Variants in CAMTA1 observed in about 807,000 individuals in gnomAD.
The protein encoded by CAMTA1 is calmodulin binding transcription activator 1.
A neutral mutation model predicts 170.9 loss-of-function variants in CAMTA1; 27 were observed. That is an observed-to-expected ratio of 0.16 (90% CI 0.12 to 0.22). The LOEUF (loss-of-function observed/expected upper bound fraction) is 0.22. Ranked by LOEUF, CAMTA1 falls within the 10% of genes least tolerant of loss-of-function variation. CAMTA1 has a pLI of 1.00. For missense variants in CAMTA1, 1,619 were observed against 2,217.2 expected (o/e 0.73, Z 5.42); for synonymous variants, 833 against 891.5 (o/e 0.93, Z 1.17).
intron 4 of CAMTA1, among the ~76,000 whole-genome samples, chr1:7,246,911 A>G (rs1213164589): frequency 2.0e-5 from 3 of 151,968 alleles, no homozygotes; most frequent in Non-Finnish European, 4.4e-5. Flanking sequence ...CAAGTGATCC[A>G]CCTGCCTCGG....
chr1:7,378,750 T>C (rs986071601), intron 5 of CAMTA1, among the ~76,000 whole-genome samples: 1 of 152,066 alleles, frequency 6.6e-6, no homozygotes, highest in Non-Finnish European at 1.5e-5. Context: ...TTTTATGATA[T>C]GTGAATTTTA....
At chr1:7,576,497 C>G (rs1024568059) in intron 6 of CAMTA1, among the ~76,000 whole-genome samples, 1 of 152,198 alleles carries the variant, frequency 6.6e-6, no homozygotes, top group Non-Finnish European at 1.5e-5. Context: ...ACACCTCAGA[C>G]CTTCCACCGT....
chr1:7,428,941 G>C (rs1267207133), intron 5 of CAMTA1, among the ~76,000 whole-genome samples: 3 of 152,236 alleles, frequency 2.0e-5, no homozygotes, highest in East Asian at 1.9e-4. Flanking sequence ...GATGGCAGAA[G>C]TCATCTTAGC....
At chr1:7,232,056 G>A (rs1662933029) in intron 4 of CAMTA1, among the ~76,000 whole-genome samples, 1 of 152,196 alleles carries the variant, frequency 6.6e-6, no homozygotes, top group African/African-American at 2.4e-5. Flanking sequence ...ATCGGAGGCT[G>A]GTTTTGTTCT....
At chr1:7,239,635 A>ATTTTTTTTTTTTTTTTTTTTT (rs34166595) in intron 4 of CAMTA1, among the ~76,000 whole-genome samples, 1 of 103,978 alleles carries the variant, frequency 9.6e-6, no homozygotes, top group Non-Finnish European at 1.9e-5. Context: ...TTCAAGGTCA[A>ATTTTTTTTTTTTTTTTTTTTT]TTTTTTTTTT....
At chr1:7,180,151 G>A (rs188375610) in intron 4 of CAMTA1, among the ~76,000 whole-genome samples, 24 of 152,220 alleles carry the variant, frequency 1.6e-4, no homozygotes, top group African/African-American at 5.5e-4. Flanking sequence ...TGGATCACCT[G>A]AGGTCAGGAG....
intron 3 of CAMTA1, among the ~76,000 whole-genome samples, chr1:6,844,690 C>CAAAAAAAA (rs1180942073): frequency 3.8e-5 from 2 of 52,064 alleles, no homozygotes; most frequent in Non-Finnish European, 6.9e-5. Context: ...ACCCTGTGTC[C>CAAAAAAAA]AAAAAAAAAA....
rs538660265 is a variant in CAMTA1, at chr1:6,825,370, A to G, written c.234+160A>G. On this transcript the variant is annotated intron_variant, in intron 3 of 22. Coordinates refer to ENST00000303635, the MANE Select transcript of CAMTA1 (RefSeq NM_015215.4). ...CTGGATTTGACAGAAACCAACCAAC[A>G]TGTTTTTTGATCTGTCTCTGATCTG... is the stretch of plus-strand genomic sequence containing the variant. 4.1e-4 allele frequency among the ~76,000 whole-genome samples: 62 copies of G among 152,290 alleles called. 1 individual carries two copies. In the South Asian group the frequency reaches 0.013, roughly 31 times the overall value.
At position 7,203,776 on chromosome 1, in the gene CAMTA1, G is replaced by A. The variant is rs577065775; in HGVS notation, c.303-45715G>A. On this transcript the variant is annotated intron_variant, in intron 4 of 22. Transcript: ENST00000303635. The stretch of plus-strand genomic sequence containing the variant: ...TTCTTGGTCAGTCTAAAGATTTGCC[G>A]ATTTTGACATTTTCAAAGAATGAGC... Among the ~76,000 whole-genome samples the A allele has an allele frequency of 7.4e-5, 11 of 149,248 alleles. No individual in the cohort carries two copies. The East Asian group carries it at 1.4e-3, about 19-fold the overall frequency.
rs1412127911 is a variant in CAMTA1, at chr1:7,680,404, G to A, written c.2914+2671G>A. On this transcript the variant is annotated intron_variant, in intron 11 of 22. Transcript: ENST00000303635. This position sits in a 1 kb window ranked among gnomAD's most constrained non-coding sequence, Gnocchi z 4.4. Reference sequence around the variant, plus strand: ...AAGGGGTGGGCGCCAGGGGACTGCAGCGCGGAGCAAACTGGGGCACGGCTG... The same window carrying A: ...AAGGGGTGGGCGCCAGGGGACTGCAACGCGGAGCAAACTGGGGCACGGCTG... Among the ~76,000 whole-genome samples, 1 of 152,136 alleles carries A rather than the reference G, an allele frequency of 6.6e-6. No homozygotes were observed. The highest frequency in any genetic ancestry group is 1.9e-4 in the East Asian group (1 of 5,156).
intron 3 of CAMTA1, among the ~76,000 whole-genome samples, chr1:7,081,468 G>T (rs1640002812): frequency 6.6e-6 from 1 of 152,216 alleles, no homozygotes; most frequent in Non-Finnish European, 1.5e-5. Flanking sequence ...GGCAGTCTTG[G>T]ATCTGGCTTC....
At chr1:7,122,974 C>G (rs575353794) in intron 4 of CAMTA1, among the ~76,000 whole-genome samples, 1 of 152,160 alleles carries the variant, frequency 6.6e-6, no homozygotes, top group Non-Finnish European at 1.5e-5. Flanking sequence ...ACATTCCTGT[C>G]GAAGCCCTGG....
At chr1:7,718,486 C>T (rs908773505) in intron 11 of CAMTA1, among the ~76,000 whole-genome samples, 1 of 151,988 alleles carries the variant, frequency 6.6e-6, no homozygotes, top group Non-Finnish European at 1.5e-5. Flanking sequence ...TTTATATAAC[C>T]CATTTAAATC....
chr1:6,924,345 AGCTGGG>A (rs1217389042), intron 3 of CAMTA1, among the ~76,000 whole-genome samples: 1 of 151,780 alleles, frequency 6.6e-6, no homozygotes, highest in East Asian at 1.9e-4. Flanking sequence ...GGGTCAGGCC[AGCTGGG>A]AGGGGGTCAG....
At chr1:7,645,630 A>G (rs2095797648) in intron 7 of CAMTA1, among the ~76,000 whole-genome samples, 1 of 152,230 alleles carries the variant, frequency 6.6e-6, no homozygotes, top group African/African-American at 2.4e-5. Flanking sequence ...AGGCCCGGAA[A>G]TCAGCAGGCA....
rs568590934 is a variant in CAMTA1, at chr1:7,547,621, G to A, written c.510+79720G>A. Among the ~76,000 whole-genome samples the A allele has an allele frequency of 6.6e-6, 1 of 152,146 alleles. No homozygotes were observed. The highest frequency in any genetic ancestry group is 1.9e-4 in the East Asian group (1 of 5,180). The stretch of plus-strand genomic sequence containing the variant: ...TTGTCCAACCCATGGCTTGTGGGCT[G>A]CCTGTGGCCCAGGACAGCTTTGAAT... On this transcript the variant is annotated intron_variant, in intron 6 of 22. Coordinates refer to ENST00000303635, the MANE Select transcript of CAMTA1 (RefSeq NM_015215.4). The surrounding 1 kb of genome is among the most constrained non-coding windows in gnomAD (Gnocchi z 5.7).
rs770157433 is a variant in CAMTA1, at chr1:7,661,723, C to T, written c.665-3C>T. 8.7e-6 allele frequency: 14 copies of T among 1,613,870 alleles called. No homozygotes were observed. The highest frequency in any genetic ancestry group is 7.7e-5 in the South Asian group (7 of 91,084). ...GACAGCCCCCCTGCCTCTCTCTTCA[C>T]AGTCCATGGCATCAAGTGGACCTGC... is the stretch of plus-strand genomic sequence containing the variant. On this transcript the variant is annotated splice_polypyrimidine_tract_variant and splice_region_variant and intron_variant, in intron 7 of 22. Transcript: ENST00000303635.
chr1:7,762,196 G>A (rs897048167), intron 22 of CAMTA1, among the ~76,000 whole-genome samples: 1 of 152,168 alleles, frequency 6.6e-6, no homozygotes, highest in Non-Finnish European at 1.5e-5. Flanking sequence ...TATTACAAAA[G>A]CAGCACATAC....
At chr1:7,025,011 C>G (rs560780692) in intron 3 of CAMTA1, among the ~76,000 whole-genome samples, 2 of 152,160 alleles carry the variant, frequency 1.3e-5, no homozygotes, top group Non-Finnish European at 2.9e-5. Context: ...TGGGGTGACT[C>G]CCTAAGACTA....
Sources: allele counts gnomAD v4.1 joint callset (sites outside exome capture counted in the v4.1 genomes callset), GRCh38; gene constraint gnomAD v4.1.1; non-coding constraint Gnocchi (gnomAD v3.1); transcripts MANE v1.5; gene names NCBI Gene and HGNC (gene_info 2026-07-23, HGNC 2026-07-21).